MID1: variants seen among roughly 807,000 people sequenced by gnomAD.
MID1 encodes midline 1.
In MID1, 7 loss-of-function variants were observed where a neutral mutation model predicts 40.4. The ratio of observed to expected loss-of-function variants is 0.17; its 90% CI spans 0.10 to 0.33. The LOEUF (loss-of-function observed/expected upper bound fraction) is 0.33. MID1 is among the 10% of genes least tolerant of loss of function. The pLI is 1.00. For synonymous variants in MID1, 229 were observed against 221.2 expected (o/e 1.04, Z -0.31); for missense variants, 367 against 558.5 (o/e 0.66, Z 3.46).
chrX:10,703,755 T>C (rs2043207698), intron 1 of MID1, among the ~76,000 whole-genome samples: 2 of 112,474 alleles, frequency 1.8e-5, no homozygotes, highest in African/African-American at 6.5e-5. Context: ...ATAAAGGCAA[T>C]AGAGAATTCA....
rs146290203 is a variant in MID1, at chrX:10,795,453, C to T, written c.-187+38101G>A. On this transcript the variant is annotated intron_variant, in intron 1 of 10. Transcript: ENST00000380785. ...CAAGGCCAGGATTGCTCTTATAGGA[C>T]GACTCCCTGACATTCATCATAGAAT... Among the ~76,000 whole-genome samples the T allele has an allele frequency of 2.1e-4, 24 of 111,868 alleles. No individual in the cohort carries two copies. In the East Asian group the frequency reaches 5.1e-3, roughly 24 times the overall value.
At position 10,449,605 on chromosome X, in the gene MID1, A is replaced by G. The variant is rs750022332; in HGVS notation, c.1767T>C (p.Asn589=). The part of the protein sequence containing the change: ...RCNNNWVVRH[N]SKEIPIEPAP... ...CAGGCTCAATGGGGATTTCCTTGCT[A>G]TTGTGTCTCACCACCCAGTTATTGT... The change falls in exon 10 of 10, where the codon AAT becomes AAC. Residue 589 remains asparagine (N), a synonymous_variant. Transcript: ENST00000317552. The G allele has an allele frequency of 1.0e-4, 126 of 1,209,772 alleles. 2 individuals are homozygous for G. In the South Asian group the frequency reaches 2.1e-3, roughly 20 times the overall value.
At chrX:10,736,413 C>T (rs926724020) in intron 1 of MID1, among the ~76,000 whole-genome samples, 1 of 112,343 alleles carries the variant, frequency 8.9e-6, no homozygotes, top group Non-Finnish European at 1.9e-5. Flanking sequence ...TAAACATTTT[C>T]TCCAGGATGT....
chrX:10,541,131 G>C (rs756261637), intron 2 of MID1, among the ~76,000 whole-genome samples: 76 of 112,273 alleles, frequency 6.8e-4, no homozygotes, highest in Admixed American at 3.1e-3. Flanking sequence ...AAATGCAATA[G>C]GTCTAAGCTA....
At chrX:10,601,199 A>G (rs1935512471) in intron 1 of MID1, among the ~76,000 whole-genome samples, 1 of 112,189 alleles carries the variant, frequency 8.9e-6, no homozygotes, top group Non-Finnish European at 1.9e-5. Flanking sequence ...GGCTTAAGGT[A>G]AGTAACGTGC....
At chrX:10,648,563 G>A (rs374605311) in intron 1 of MID1, among the ~76,000 whole-genome samples, 1 of 112,023 alleles carries the variant, frequency 8.9e-6, no homozygotes, top group African/African-American at 3.2e-5. Context: ...TTCTTCATTT[G>A]CTAAATAGAA....
intron 1 of MID1, among the ~76,000 whole-genome samples, chrX:10,734,895 A>G (rs1411484455): frequency 1.8e-5 from 2 of 111,583 alleles, no homozygotes; most frequent in Non-Finnish European, 3.8e-5. Flanking sequence ...TTCCCTCAAT[A>G]TGTTTTGGTG....
intron 3 of MID1, chrX:10,501,643 T>C: frequency 1.2e-6 from 1 of 820,265 alleles, no homozygotes; most frequent in South Asian, 2.7e-5. Flanking sequence ...AGTCCTGAGA[T>C]GGAATTCAGC....
rs764570534 is a variant in MID1, at chrX:10,601,965, C to T, written c.-57+18325G>A. ...AGGCTGGAGTACAGTGGCGCAATCTCGACTCACTGCAAGCTCCGCCTCCCG... is the reference window on the plus strand; with the variant it reads ...AGGCTGGAGTACAGTGGCGCAATCTTGACTCACTGCAAGCTCCGCCTCCCG... On this transcript the variant is annotated intron_variant, in intron 1 of 9. Transcript: ENST00000317552. 3.8e-5 allele frequency among the ~76,000 whole-genome samples: 4 copies of T among 106,594 alleles called. No homozygotes were observed. In the East Asian group the frequency reaches 8.9e-4, roughly 24 times the overall value. 92.6% of individuals were successfully genotyped at this position (106,594 alleles called of 115,157 possible). A position where few individuals can be genotyped will look rare whatever the true frequency, so the allele number is the denominator to read the frequency against.
At chrX:10,782,106 T>G (rs947189705) in intron 1 of MID1, among the ~76,000 whole-genome samples, 7 of 112,355 alleles carry the variant, frequency 6.2e-5, no homozygotes, top group African/African-American at 2.3e-4. Context: ...CATCTGCATC[T>G]CAGCGTAAAG....
At chrX:10,560,081 C>G (rs1463371881) in intron 2 of MID1, among the ~76,000 whole-genome samples, 1 of 110,133 alleles carries the variant, frequency 9.1e-6, no homozygotes, top group Non-Finnish European at 1.9e-5. Flanking sequence ...GAGACAGGGT[C>G]TTGCTATGTT....
intron 1 of MID1, among the ~76,000 whole-genome samples, chrX:10,716,713 G>A (rs1233633361): frequency 3.6e-5 from 4 of 110,663 alleles, no homozygotes; most frequent in South Asian, 3.9e-4. Context: ...GATACTCCTC[G>A]AGAAGAGCAA....
At chrX:10,684,581 T>C (rs1311742132) in intron 1 of MID1, among the ~76,000 whole-genome samples, 1 of 107,825 alleles carries the variant, frequency 9.3e-6, no homozygotes, top group Non-Finnish European at 1.9e-5. Context: ...TTTTTTTTTG[T>C]ATTTTTTTTA....
chrX:10,616,934 A>T (rs1251464962), intron 1 of MID1, among the ~76,000 whole-genome samples: 1 of 112,887 alleles, frequency 8.9e-6, no homozygotes, highest in Non-Finnish European at 1.9e-5. Flanking sequence ...ATTAGATTTC[A>T]TAAAAGCTGC....
At chrX:10,823,887 T>C (rs951091866) in intron 1 of MID1, among the ~76,000 whole-genome samples, 1 of 111,932 alleles carries the variant, frequency 8.9e-6, no homozygotes, top group African/African-American at 3.2e-5. Flanking sequence ...ATTAGTATTA[T>C]GTATTTAAAT....
Position 10,557,906 on chromosome X carries a change from T to C in MID1, c.660+8982A>G, listed in dbSNP as rs151326431. The stretch of plus-strand genomic sequence containing the variant: ...CAGGGTGGTGGTTTTTGACCTGTGA[T>C]ACTACTTCTTTCTGCCAATTAAAAG... On this transcript the variant is annotated intron_variant, in intron 2 of 9. Transcript: ENST00000317552. Among the ~76,000 whole-genome samples the C allele has an allele frequency of 5.2e-3, 579 of 111,555 alleles. 7 individuals carry two copies. Among genetic ancestry groups the C allele is most frequent in the Admixed American group, 0.019 (197 of 10,529 alleles).
rs572257951 is a variant in MID1, at chrX:10,783,880, C to CT, written c.-187+49673dup. The stretch of plus-strand genomic sequence containing the variant: ...TGAGATTAAAAACAGACTTGTAGCT[C>CT]TTTTTTTTAAAAAAAAAAATGGCAC... On this transcript the variant is annotated intron_variant, in intron 1 of 10. Transcript: ENST00000380785. 3.0e-3 allele frequency among the ~76,000 whole-genome samples: 319 copies of CT among 107,846 alleles called. 7 individuals are homozygous for CT. The South Asian group carries it at 0.095, about 32-fold the overall frequency. 93.7% of individuals were successfully genotyped at this position (107,846 alleles called of 115,157 possible). A position where few individuals can be genotyped will look rare whatever the true frequency, so the allele number is the denominator to read the frequency against.
At chrX:10,587,971 C>G (rs1397393560) in intron 1 of MID1, among the ~76,000 whole-genome samples, 2 of 111,440 alleles carry the variant, frequency 1.8e-5, no homozygotes, top group Non-Finnish European at 3.8e-5. Context: ...TTTATATACT[C>G]TTTTTAACCT....
intron 1 of MID1, among the ~76,000 whole-genome samples, chrX:10,719,895 A>G (rs1393481089): frequency 3.6e-5 from 4 of 111,520 alleles, no homozygotes; most frequent in African/African-American, 9.8e-5. Flanking sequence ...ATAATGCTGC[A>G]TATCTACAAC....
Sources: allele counts gnomAD v4.1 joint callset (sites outside exome capture counted in the v4.1 genomes callset), GRCh38; gene constraint gnomAD v4.1.1; transcripts MANE v1.5; gene names NCBI Gene and HGNC (gene_info 2026-07-23, HGNC 2026-07-21).